The following ZNF529 variants were observed in gnomAD, a reference collection of about 807,000 sequenced individuals.
ZNF529 encodes the protein zinc finger protein 529.
ZNF529 carries 11 observed loss-of-function variants against 10.1 expected under a neutral mutation model. The ratio of observed to expected loss-of-function variants is 1.09; its 90% CI spans 0.69 to 1.81. The LOEUF is 1.81. ZNF529 is among the 40% of genes most tolerant of loss of function. The probability of loss-of-function intolerance (pLI) is 0.00; values close to 1 mark genes in which losing one functional copy is unlikely to be tolerated. For synonymous variants in ZNF529, 204 were observed against 215.7 expected, an observed-to-expected ratio of 0.95 and a Z score of 0.47; for missense variants, 624 against 666.8, an observed-to-expected ratio of 0.94 and a Z score of 0.71.
intron 2 of ZNF529, among the ~76,000 whole-genome samples, chr19:36,571,024 A>G (rs2036085320): frequency 6.6e-6 from 1 of 152,234 alleles, no homozygotes; most frequent in Non-Finnish European, 1.5e-5. Flanking sequence ...CAGTGTGAAC[A>G]TATAACTGAA....
Position 36,547,137 on chromosome 19 carries a change from C to G in ZNF529, c.1421G>C (p.Gly474Ala). ...ALIQHQRIHS[G>A]EKPYECKVCG... ...TACCTTACATTCATAAGGTTTCTCACCACTATGAATTCTTTGATGTTGAAT... is the reference window on the plus strand; with the variant it reads ...TACCTTACATTCATAAGGTTTCTCAGCACTATGAATTCTTTGATGTTGAAT... The change falls in exon 5 of 5, where the codon GGT (glycine) becomes GCT (alanine). Residue 474 changes from glycine to alanine, a missense_variant. Gly to Ala is a moderately conservative substitution (Grantham distance 60). Coordinates refer to ENST00000591340, the MANE Select transcript of ZNF529 (RefSeq NM_020951.5). 6.2e-7 allele frequency: 1 copy of G among 1,613,940 alleles called. No individual in the cohort carries two copies. Among genetic ancestry groups the G allele is most frequent in the Non-Finnish European group, 8.5e-7 (1 of 1,179,940 alleles).
intron 1 of ZNF529, chr19:36,594,622 C>A (rs2036801062): frequency 6.6e-6 from 1 of 152,414 alleles, no homozygotes; most frequent in Non-Finnish European, 1.5e-5. Flanking sequence ...CAAGCCACCT[C>A]AGCTGAAGCC....
At chr19:36,576,416 C>T (rs1006484124), upstream of ZNF529, among the ~76,000 whole-genome samples, 10 of 151,974 alleles carry the variant, frequency 6.6e-5, no homozygotes, top group Admixed American at 3.9e-4. Flanking sequence ...AACTACTGTT[C>T]ACTTAATAAT....
At chr19:36,590,539 C>T (rs990662875) in intron 1 of ZNF529, among the ~76,000 whole-genome samples, 1 of 151,824 alleles carries the variant, frequency 6.6e-6, no homozygotes, top group African/African-American at 2.4e-5. Context: ...AGTAAACCCT[C>T]GGTACCCAGA....
intron 4 of ZNF529, among the ~76,000 whole-genome samples, chr19:36,554,452 C>A (rs2035383286): frequency 6.6e-6 from 1 of 152,132 alleles, no homozygotes; most frequent in Admixed American, 6.5e-5. Context: ...GTGGCGGGCT[C>A]CTGTAATTCC....
chr19:36,557,891 A>G (rs1358258913), intron 2 of ZNF529, among the ~76,000 whole-genome samples: 1 of 152,266 alleles, frequency 6.6e-6, no homozygotes, highest in Non-Finnish European at 1.5e-5. Context: ...ATTATACATT[A>G]TAATACATAT....
intron 2 of ZNF529, among the ~76,000 whole-genome samples, chr19:36,582,972 T>A (rs1287611217): frequency 1.3e-5 from 2 of 152,182 alleles, no homozygotes; most frequent in South Asian, 4.1e-4. Context: ...ACATTTTAGA[T>A]GAAATTCATC....
chr19:36,592,877 A>T (rs2036755538), intron 1 of ZNF529, among the ~76,000 whole-genome samples: 1 of 152,192 alleles, frequency 6.6e-6, no homozygotes, highest in African/African-American at 2.4e-5. Flanking sequence ...TTTAGTATAT[A>T]AAAAATTATC....
At chr19:36,594,878 TTTTTTC>T (rs1327508323) in intron 1 of ZNF529, among the ~76,000 whole-genome samples, 18 of 138,972 alleles carry the variant, frequency 1.3e-4, no homozygotes, top group South Asian at 7.7e-4. Context: ...TTCTTTTTTC[TTTTTTC>T]TTTTTTTTTT....
Position 36,556,114 on chromosome 19 carries a change from G to A in ZNF529, c.98C>T (p.Thr33Ile). ...EFPDQFFTVL[T>I]MDHELVTLRD... ...AAGTAGTTAACTTACATGGTCCATG[G>A]TTAGAACTGTAAAGAATTGGTCAGG... is the stretch of plus-strand genomic sequence containing the variant. The change falls in exon 3 of 5, where the codon ACC becomes ATC. Residue 33 changes from threonine to isoleucine, a missense_variant. Thr to Ile is a moderately conservative substitution (Grantham distance 89, BLOSUM62 -1). Coordinates refer to ENST00000591340, the MANE Select transcript of ZNF529 (RefSeq NM_020951.5). 1 of 1,551,086 alleles carries A rather than the reference G, an allele frequency of 6.4e-7. No homozygotes were observed. The highest frequency in any genetic ancestry group is 8.7e-7 in the Non-Finnish European group (1 of 1,146,480).
chr19:36,590,198 A>G (rs532822365), intron 1 of ZNF529, among the ~76,000 whole-genome samples: 37 of 152,090 alleles, frequency 2.4e-4, no homozygotes, highest in South Asian at 8.3e-4. Context: ...GTGAAACCTC[A>G]TATCTACAAA....
intron 2 of ZNF529, among the ~76,000 whole-genome samples, chr19:36,572,046 G>C (rs928391637): frequency 1.5e-4 from 22 of 146,264 alleles, no homozygotes; most frequent in African/African-American, 5.4e-4. Flanking sequence ...TATCTAGTGT[G>C]CCATTCTACT....
At chr19:36,550,799 A>G (rs1302227129) in intron 4 of ZNF529, among the ~76,000 whole-genome samples, 2 of 152,358 alleles carry the variant, frequency 1.3e-5, no homozygotes, top group Admixed American at 1.3e-4. Flanking sequence ...TGATGAAAAC[A>G]TACACAAAAT....
At chr19:36,604,563 G>A (rs558750532) in intron 1 of ZNF529, among the ~76,000 whole-genome samples, 5 of 148,508 alleles carry the variant, frequency 3.4e-5, no homozygotes, top group African/African-American at 1.2e-4. Flanking sequence ...CATTATGAAA[G>A]CGACAGGGGC....
chr19:36,559,170 G>A (rs561593771), intron 2 of ZNF529, among the ~76,000 whole-genome samples: 84 of 152,280 alleles, frequency 5.5e-4, no homozygotes, highest in African/African-American at 2.0e-3. Context: ...GGGAAGCCTT[G>A]TACACTGTCA....
chr19:36,548,396 A>C, intron 4 of ZNF529, 74 bp from the exon 5 acceptor site: 3 of 1,375,356 alleles, frequency 2.2e-6, no homozygotes, highest in Non-Finnish European at 2.9e-6. Context: ...ACAATTTAAG[A>C]ATAATTCACC....
chr19:36,584,154 TA>T lies in ZNF529; in HGVS notation c.-41+5460del, dbSNP rs79542842. ...AGAAAAACAGAAAAGACATGCTACC[TA>T]AAAGGAAAGATGATTGGGCACAAGA... On this transcript the variant is annotated intron_variant, in intron 2 of 4. Coordinates refer to the ZNF529 transcript ENST00000585960. Among the ~76,000 whole-genome samples, 837 of 152,080 alleles carry T rather than the reference TA, an allele frequency of 5.5e-3. 23 individuals are homozygous for T. The highest frequency in any genetic ancestry group is 0.037 in the Admixed American group (567 of 15,284).
chr19:36,603,385 CA>C (rs1440123391), intron 1 of ZNF529, among the ~76,000 whole-genome samples: 1 of 152,136 alleles, frequency 6.6e-6, no homozygotes, highest in Non-Finnish European at 1.5e-5. Context: ...TTCATAATGT[CA>C]TCAGTAACTG....
rs779400787 is a variant in ZNF529 at position 36,547,624 on chromosome 19, A to G, written c.934T>C (p.Cys312Arg). 1.9e-6 allele frequency: 3 copies of G among 1,613,706 alleles called. No individual in the cohort carries two copies. The highest frequency in any genetic ancestry group is 1.7e-6 in the Non-Finnish European group (2 of 1,179,722). Reference protein sequence around the residue: ...KIHTDEKTYKCMECGKDFRFH... With the variant: ...KIHTDEKTYKRMECGKDFRFH... ...CTGAAGTCCTTGCCACATTCCATAC[A>G]TTTGTAAGTTTTCTCATCAGTATGG... Residue 312 changes from cysteine (C) to arginine (R), a missense_variant, in exon 5 of 5, where the codon TGT becomes CGT. Cys to Arg is a radical substitution (Grantham distance 180). Coordinates refer to ENST00000591340, the MANE Select transcript of ZNF529 (RefSeq NM_020951.5).
Sources: allele counts gnomAD v4.1 joint callset (sites outside exome capture counted in the v4.1 genomes callset), GRCh38; gene constraint gnomAD v4.1.1; transcripts MANE v1.5; gene names NCBI Gene and HGNC (gene_info 2026-07-23, HGNC 2026-07-21).